The following KDM2A variants were observed in gnomAD, a reference collection of about 807,000 sequenced individuals.
KDM2A encodes lysine demethylase 2A.
In KDM2A, 3 loss-of-function variants were observed where a neutral mutation model predicts 137.3. The ratio of observed to expected loss-of-function variants is 0.02; its 90% CI spans 0.01 to 0.06. The LOEUF (loss-of-function observed/expected upper bound fraction) is 0.06, where lower values mean the gene tolerates loss of function less well. Among genes scored for constraint, KDM2A ranks in the 10% least tolerant of loss-of-function variants. The probability of loss-of-function intolerance (pLI) is 1.00; values close to 1 mark genes in which losing one functional copy is unlikely to be tolerated. For synonymous variants in KDM2A, 512 were observed against 541.5 expected (o/e 0.95, Z 0.76); for missense variants, 738 against 1,510.6 (o/e 0.49, Z 8.48).
chr11:67,127,934 G>A (rs575873506), intron 2 of KDM2A, among the ~76,000 whole-genome samples: 1 of 149,946 alleles, frequency 6.7e-6, no homozygotes, highest in Non-Finnish European at 1.5e-5. Flanking sequence ...TCAAACTCCC[G>A]ACCTCAGGCA....
chr11:67,217,261 AAAGT>A (rs1858195009), intron 8 of KDM2A, among the ~76,000 whole-genome samples: 1 of 151,926 alleles, frequency 6.6e-6, no homozygotes, highest in South Asian at 2.1e-4. Flanking sequence ...AAAAAAAAAA[AAAGT>A]CTTAATCAGA....
intron 2 of KDM2A, among the ~76,000 whole-genome samples, chr11:67,172,289 G>T (rs1210953629): frequency 2.6e-5 from 4 of 151,966 alleles, no homozygotes; most frequent in Non-Finnish European, 4.4e-5. Context: ...ATGAATTTTA[G>T]GATCATCTTG....
At chr11:67,225,434 G>A (rs994136495) in intron 10 of KDM2A, among the ~76,000 whole-genome samples, 9 of 151,322 alleles carry the variant, frequency 5.9e-5, no homozygotes, top group Non-Finnish European at 1.0e-4. Flanking sequence ...TCAGGAGTTC[G>A]AGACCAACCT....
chr11:67,224,124 G>C (rs1005056021), intron 10 of KDM2A, among the ~76,000 whole-genome samples: 1 of 152,180 alleles, frequency 6.6e-6, no homozygotes, highest in Non-Finnish European at 1.5e-5. Flanking sequence ...CTGTGGCCTG[G>C]TGAAGGTTTT....
At chr11:67,189,205 G>A (rs1857284369) in intron 5 of KDM2A, among the ~76,000 whole-genome samples, 2 of 152,240 alleles carry the variant, frequency 1.3e-5, no homozygotes, top group South Asian at 2.1e-4. Flanking sequence ...AGATATCAAA[G>A]TATCTTCTCC....
intron 4 of KDM2A, 65 bp downstream of exon 4, chr11:67,181,463 C>A: frequency 9.5e-7 from 1 of 1,057,288 alleles, no homozygotes; most frequent in Non-Finnish European, 1.4e-6. Context: ...GGGCAATAAA[C>A]AGTGGTGGTA....
chr11:67,122,740 A>G (rs777950057), intron 2 of KDM2A, among the ~76,000 whole-genome samples: 7 of 150,980 alleles, frequency 4.6e-5, no homozygotes, highest in Admixed American at 2.7e-4. Flanking sequence ...CAGTGGCGCA[A>G]TCTCTGCTCA....
chr11:67,168,586 C>T (rs368761787), intron 2 of KDM2A, among the ~76,000 whole-genome samples: 31,309 of 36,488 alleles, frequency 0.86, 13,588 homozygotes, highest in South Asian at 0.91. Context: ...GAATTATACA[C>T]ACACACACAC....
At chr11:67,211,232 T>A (rs922542878) in intron 6 of KDM2A, among the ~76,000 whole-genome samples, 4 of 152,110 alleles carry the variant, frequency 2.6e-5, no homozygotes, top group African/African-American at 9.7e-5. Flanking sequence ...AAAATTGATG[T>A]TCAGTAAAGT....
At chr11:67,168,547 C>A (rs1212630030) in intron 2 of KDM2A, among the ~76,000 whole-genome samples, 1 of 74,664 alleles carries the variant, frequency 1.3e-5, no homozygotes, top group Non-Finnish European at 2.0e-5. Context: ...AATTATAATA[C>A]ACACACACAC....
At chr11:67,182,824 C>T (rs1011628710) in intron 5 of KDM2A, among the ~76,000 whole-genome samples, 1 of 152,190 alleles carries the variant, frequency 6.6e-6, no homozygotes, top group African/African-American at 2.4e-5. Context: ...TGAGCCACTG[C>T]ACCCGGCTGG....
In KDM2A at chr11:67,122,927, G is replaced by A. The variant is rs965391836; in HGVS notation, c.42+1569G>A. ...CCTGACCTTGTGATCTGCCCGCCTC[G>A]GCCACCCAAAGTGCTGGGATTACAG... On this transcript the variant is annotated intron_variant, in intron 2 of 20. Coordinates refer to ENST00000529006, the MANE Select transcript of KDM2A (RefSeq NM_012308.3). Among the ~76,000 whole-genome samples, 147 of 151,954 alleles carry A rather than the reference G, an allele frequency of 9.7e-4. 5 individuals carry two copies. Among genetic ancestry groups the A allele is most frequent in the Admixed American group, 9.5e-3 (144 of 15,198 alleles).
At chr11:67,169,112 C>T (rs192716645) in intron 2 of KDM2A, among the ~76,000 whole-genome samples, 80 of 150,656 alleles carry the variant, frequency 5.3e-4, no homozygotes, top group African/African-American at 1.6e-3. Flanking sequence ...CCTGCCACCG[C>T]GCCTGGCCAA....
intron 2 of KDM2A, among the ~76,000 whole-genome samples, chr11:67,126,929 A>AT (rs1387809544): frequency 1.3e-5 from 2 of 151,846 alleles, no homozygotes; most frequent in Non-Finnish European, 2.9e-5. Context: ...GTAAGACTTA[A>AT]TTTTTTTTAG....
chr11:67,173,159 G>A (rs1457473581), intron 2 of KDM2A, among the ~76,000 whole-genome samples: 3 of 152,080 alleles, frequency 2.0e-5, no homozygotes, highest in Non-Finnish European at 4.4e-5. Flanking sequence ...AGAGTTTCTT[G>A]TTGCCCAGGC....
Position 67,255,519 on chromosome 11 carries a change from A to T in KDM2A, c.*464A>T, listed in dbSNP as rs1379789301. 2 of 456,006 alleles carry T rather than the reference A, an allele frequency of 4.4e-6. No homozygotes were observed. Among genetic ancestry groups the T allele is most frequent in the South Asian group, 1.6e-5 (1 of 64,512 alleles). The allele number at this position is 456,006 out of a possible 1,614,324, so 28.2% of individuals were successfully genotyped here. Reference sequence around the variant, plus strand: ...CCAGTGCGCGTCTCTCCTCCATCACACTCTCCCGGCTTGCGCAGGAGGGGC... The same window carrying T: ...CCAGTGCGCGTCTCTCCTCCATCACTCTCTCCCGGCTTGCGCAGGAGGGGC... On this transcript the variant is annotated 3_prime_UTR_variant, in exon 21 of 21. Coordinates refer to ENST00000529006, the MANE Select transcript of KDM2A (RefSeq NM_012308.3).
At chr11:67,220,338 C>T (rs1477941398) in intron 10 of KDM2A, among the ~76,000 whole-genome samples, 1 of 152,172 alleles carries the variant, frequency 6.6e-6, no homozygotes, top group African/African-American at 2.4e-5. Flanking sequence ...TAAGGCCAGA[C>T]ATTTACCTCT....
At chr11:67,252,975 A>C in intron 18 of KDM2A, 118 bp downstream of exon 18, 5 of 1,122,042 alleles carry the variant, frequency 4.5e-6, no homozygotes, top group Non-Finnish European at 5.0e-6. Flanking sequence ...CAGCAGTCCC[A>C]TGCCATTGTT....
chr11:67,206,643 G>A (rs1478807779), intron 5 of KDM2A, among the ~76,000 whole-genome samples: 1 of 151,088 alleles, frequency 6.6e-6, no homozygotes, highest in Non-Finnish European at 1.5e-5. Context: ...GGTTGAGGCA[G>A]GAGAACTGCT....
Sources: gnomAD v4.1 joint callset for allele counts (sites outside exome capture counted in the v4.1 genomes callset) on GRCh38, gnomAD v4.1.1 for gene constraint, MANE v1.5 for transcripts, NCBI Gene and HGNC (gene_info 2026-07-23, HGNC 2026-07-21) for gene names.